TSPEAR: variants seen among roughly 807,000 people sequenced by gnomAD.
The protein encoded by TSPEAR is thrombospondin-type laminin G domain and EAR repeat-containing protein.
A neutral mutation model predicts 71.6 loss-of-function variants in TSPEAR; 69 were observed. The observed-to-expected ratio is 0.96, with a 90% CI of 0.79 to 1.18. TSPEAR has a LOEUF of 1.18. Ranked by LOEUF, TSPEAR falls within the 50% of genes most tolerant of loss-of-function variation. The pLI is 0.00. For synonymous variants in TSPEAR, 402 were observed against 387.2 expected (o/e 1.04, Z -0.45); for missense variants, 971 against 894.9 (o/e 1.09, Z -1.09).
At chr21:44,559,641 G>T (rs781869846) in intron 2 of TSPEAR, among the ~76,000 whole-genome samples, 3 of 152,132 alleles carry the variant, frequency 2.0e-5, no homozygotes, top group Non-Finnish European at 4.4e-5. Flanking sequence ...CATAGTAAAT[G>T]TACAAATAAA....
At chr21:44,581,152 A>G (rs1374300908) in intron 1 of TSPEAR, among the ~76,000 whole-genome samples, 3 of 152,088 alleles carry the variant, frequency 2.0e-5, no homozygotes, top group African/African-American at 7.2e-5. Flanking sequence ...TATCTGGTGG[A>G]TCTGTGCTTT....
intron 2 of TSPEAR, chr21:44,551,589 C>T: frequency 1.5e-6 from 2 of 1,312,154 alleles, no homozygotes; most frequent in Admixed American, 4.7e-5. Context: ...TGTGTTTTCC[C>T]AGCAGGAGAC....
chr21:44,556,783 C>T (rs2053538458), intron 2 of TSPEAR, among the ~76,000 whole-genome samples: 1 of 152,152 alleles, frequency 6.6e-6, no homozygotes, highest in Non-Finnish European at 1.5e-5. Flanking sequence ...CAATTGAAAA[C>T]ACTAGGAAGA....
intron 1 of TSPEAR, among the ~76,000 whole-genome samples, chr21:44,670,178 G>A (rs1985988051): frequency 6.6e-6 from 1 of 152,158 alleles, no homozygotes; most frequent in Non-Finnish European, 1.5e-5. Context: ...CCCAACAGTG[G>A]CTGCCCCAAG....
rs1979662760 is a variant in TSPEAR at position 44,590,062 on chromosome 21, C to A, written c.83-22057G>T. Among the ~76,000 whole-genome samples the A allele has an allele frequency of 2.6e-5, 4 of 151,640 alleles. No individual in the cohort carries two copies. In the South Asian group the frequency reaches 8.3e-4, roughly 31 times the overall value. On this transcript the variant is annotated intron_variant, in intron 1 of 11. Coordinates refer to ENST00000323084, the MANE Select transcript of TSPEAR (RefSeq NM_144991.3). The stretch of plus-strand genomic sequence containing the variant: ...CCTGGGGACGGCTGCTGCTGGCTGT[C>A]CTGGGTCTGCCTGGAGGGGAGTGAG...
rs781829503 is a variant in TSPEAR, at chr21:44,533,760, C to T, written c.467G>A (p.Arg156His). Residue 156 changes from arginine (R) to histidine (H), a missense_variant, in exon 3 of 12, where the codon CGC (arginine) becomes CAC (histidine). Coordinates refer to ENST00000323084, the MANE Select transcript of TSPEAR (RefSeq NM_144991.3). Reference protein sequence around the residue: ...SFRSPALVDGRWHTLVLAVSA... With the variant: ...SFRSPALVDGHWHTLVLAVSA... ...CACAGCCAGGACCAGTGTGTGCCAG[C>T]GGCCATCCACCAGGGCCGGGCTGCG... 2.5e-5 allele frequency: 41 copies of T among 1,612,260 alleles called. No homozygotes were observed. The highest frequency in any genetic ancestry group is 1.9e-4 in the South Asian group (17 of 91,074).
chr21:44,652,127 G>A (rs1040563003), intron 1 of TSPEAR, among the ~76,000 whole-genome samples: 1 of 152,022 alleles, frequency 6.6e-6, no homozygotes, highest in Non-Finnish European at 1.5e-5. Context: ...GGGAGTACAG[G>A]TGCCTGCCAC....
chr21:44,667,229 A>G (rs937434711), intron 1 of TSPEAR, among the ~76,000 whole-genome samples: 2 of 152,114 alleles, frequency 1.3e-5, no homozygotes, highest in African/African-American at 4.8e-5. Context: ...TCAGATCTCC[A>G]GATTTTTTTC....
chr21:44,558,531 C>G, intron 2 of TSPEAR: 9 of 1,613,468 alleles, frequency 5.6e-6, no homozygotes, highest in Non-Finnish European at 7.6e-6. Flanking sequence ...GCTGGGCTCA[C>G]AGGCCGCCTG....
At chr21:44,692,285 A>G (rs1457487866) in intron 1 of TSPEAR, among the ~76,000 whole-genome samples, 1 of 152,226 alleles carries the variant, frequency 6.6e-6, no homozygotes, top group Non-Finnish European at 1.5e-5. Context: ...TTTCCCCCTA[A>G]GATTAGGAAC....
In TSPEAR at chr21:44,697,350, T is replaced by C. The variant is rs200939902; in HGVS notation, c.82+14083A>G. 84 of 1,612,818 alleles carry C rather than the reference T, an allele frequency of 5.2e-5. No individual in the cohort carries two copies. The highest frequency in any genetic ancestry group is 6.9e-5 in the Non-Finnish European group (82 of 1,179,998). On this transcript the variant is annotated intron_variant, in intron 1 of 11. Coordinates refer to ENST00000323084, the MANE Select transcript of TSPEAR (RefSeq NM_144991.3). ...TGCGCCCCGGCCCCCTGCCTGAGCC[T>C]GGTCTGCACCCCAGTGAGCCGTGTA...
At chr21:44,617,670 A>G (rs1982192749) in intron 1 of TSPEAR, among the ~76,000 whole-genome samples, 1 of 152,248 alleles carries the variant, frequency 6.6e-6, no homozygotes, top group Non-Finnish European at 1.5e-5. Context: ...TGCTGGGGGC[A>G]CACGTTATTC....
At position 44,533,824 on chromosome 21, in the gene TSPEAR, C is replaced by T. The variant is rs782645579; in HGVS notation, c.403G>A (p.Glu135Lys). The T allele has an allele frequency of 1.1e-5, 17 of 1,612,378 alleles. No homozygotes were observed. The highest frequency in any genetic ancestry group is 1.6e-4 in the Middle Eastern group (1 of 6,084). Residue 135 changes from glutamate (E) to lysine (K), a missense_variant, in exon 3 of 12, where the codon GAG becomes AAG. Coordinates refer to ENST00000323084, the MANE Select transcript of TSPEAR (RefSeq NM_144991.3). Reference protein sequence around the residue: ...PAQLHFLFLREDTAGAWQTRV... With the variant: ...PAQLHFLFLRKDTAGAWQTRV... ...GTCTGCCAGGCGCCGGCCGTGTCCT[C>T]GCGAAGGAACAGGAAGTGCAGCTGG...
At chr21:44,629,189 C>T (rs909312842) in intron 1 of TSPEAR, among the ~76,000 whole-genome samples, 7 of 152,180 alleles carry the variant, frequency 4.6e-5, no homozygotes, top group Non-Finnish European at 1.0e-4. Context: ...AGAGCATAGT[C>T]GGGTTTGGGG....
chr21:44,558,369 T>C, intron 2 of TSPEAR: 2 of 1,612,436 alleles, frequency 1.2e-6, no homozygotes, highest in Non-Finnish European at 1.7e-6. Context: ...GCAGACAGGC[T>C]TGCAGCAGAC....
At chr21:44,539,167 G>C (rs782514561) in intron 2 of TSPEAR, 5 of 1,406,164 alleles carry the variant, frequency 3.6e-6, no homozygotes, top group Admixed American at 5.5e-5. Context: ...AAGGAGGGGG[G>C]GTCACCTCAG....
At position 44,710,038 on chromosome 21, in the gene TSPEAR, A is replaced by C. The variant is rs1988135353; in HGVS notation, c.82+1395T>G. Among the ~76,000 whole-genome samples, 1 of 152,200 alleles carries C rather than the reference A, an allele frequency of 6.6e-6. No homozygotes were observed. The highest frequency in any genetic ancestry group is 1.5e-5 in the Non-Finnish European group (1 of 68,034). On this transcript the variant is annotated intron_variant, in intron 1 of 11. Coordinates refer to ENST00000323084, the MANE Select transcript of TSPEAR (RefSeq NM_144991.3). This position sits in a 1 kb window ranked among gnomAD's most constrained non-coding sequence, Gnocchi z 4.6. The stretch of plus-strand genomic sequence containing the variant: ...GCAGGTTGATTCTGTTCCCTGAGCT[A>C]AAGGGAACATGAAAATACATGTCTG...
chr21:44,537,583 C>G (rs1555916496), intron 2 of TSPEAR, among the ~76,000 whole-genome samples: 1 of 152,182 alleles, frequency 6.6e-6, no homozygotes, highest in Admixed American at 6.5e-5. Flanking sequence ...TAAAAAAGGA[C>G]AGTTGGCTAT....
intron 1 of TSPEAR, among the ~76,000 whole-genome samples, chr21:44,599,134 TTCTCTCTCTCTCTC>T (rs58774528): frequency 2.2e-5 from 2 of 92,280 alleles, no homozygotes; most frequent in African/African-American, 6.6e-5. Context: ...GGCCCCCATT[TTCTCTCTCTCTCTC>T]TCTCTCTCTC....
Sources: allele counts gnomAD v4.1 joint callset (sites outside exome capture counted in the v4.1 genomes callset), GRCh38; gene constraint gnomAD v4.1.1; non-coding constraint Gnocchi (gnomAD v3.1); transcripts MANE v1.5; gene names NCBI Gene and HGNC (gene_info 2026-07-23, HGNC 2026-07-21).